Variants in ZNF407 observed in about 807,000 individuals in gnomAD.
The protein encoded by ZNF407 is zinc finger protein 407.
In ZNF407, 17 loss-of-function variants were observed where a neutral mutation model predicts 131.2. That is an observed-to-expected ratio of 0.13 (90% CI 0.09 to 0.19). ZNF407 has a LOEUF of 0.19. Ranked by LOEUF, ZNF407 falls within the 10% of genes least tolerant of loss-of-function variation. The probability of loss-of-function intolerance (pLI) is 1.00; values close to 1 mark genes in which losing one functional copy is unlikely to be tolerated. For missense variants in ZNF407, 2,681 were observed against 2,830.6 expected (o/e 0.95, Z 1.20); for synonymous variants, 1,156 against 1,062.0 (o/e 1.09, Z -1.72).
At chr18:74,625,147 T>A (rs1262041400) in intron 1 of ZNF407, among the ~76,000 whole-genome samples, 2 of 152,254 alleles carry the variant, frequency 1.3e-5, no homozygotes, top group Non-Finnish European at 2.9e-5. Flanking sequence ...GATATTGGGT[T>A]ATTTCATTAA....
At chr18:74,926,366 T>C (rs1401058144) in intron 8 of ZNF407, among the ~76,000 whole-genome samples, 1 of 152,230 alleles carries the variant, frequency 6.6e-6, no homozygotes, top group African/African-American at 2.4e-5. Context: ...GTAATTGGTA[T>C]CCAGGAAAAT....
At chr18:74,799,195 A>C (rs1017990333) in intron 4 of ZNF407, among the ~76,000 whole-genome samples, 2 of 152,168 alleles carry the variant, frequency 1.3e-5, no homozygotes, top group African/African-American at 4.8e-5. Context: ...CTTCAGCAAA[A>C]TTGTAATTCA....
chr18:75,061,375 G>A (rs1973631456), intron 8 of ZNF407: 1 of 152,228 alleles, frequency 6.6e-6, no homozygotes, highest in Non-Finnish European at 1.5e-5. Flanking sequence ...AAGAAAACAG[G>A]AAGTCTGTTT....
At chr18:74,911,339 T>G (rs962800561) in intron 7 of ZNF407, among the ~76,000 whole-genome samples, 5 of 152,224 alleles carry the variant, frequency 3.3e-5, no homozygotes, top group African/African-American at 9.6e-5. Context: ...ATAGAGCCAT[T>G]TAACCATCAC....
At chr18:74,874,817 AAACCTGAC>A (rs1971133600) in intron 4 of ZNF407, among the ~76,000 whole-genome samples, 1 of 152,116 alleles carries the variant, frequency 6.6e-6, no homozygotes. Context: ...CTTGAAAGCC[AAACCTGAC>A]TCCTCTCTTC....
At chr18:74,805,807 T>A (rs1235497906) in intron 4 of ZNF407, among the ~76,000 whole-genome samples, 1 of 152,194 alleles carries the variant, frequency 6.6e-6, no homozygotes, top group East Asian at 1.9e-4. Flanking sequence ...TTGAAGTCAT[T>A]CATTGTTCAT....
chr18:74,732,908 A>G (rs1968327312), intron 3 of ZNF407, among the ~76,000 whole-genome samples: 1 of 152,144 alleles, frequency 6.6e-6, no homozygotes, highest in East Asian at 1.9e-4. Context: ...ATGAGTAATA[A>G]AATAGGTTCA....
intron 8 of ZNF407, among the ~76,000 whole-genome samples, chr18:74,999,083 TA>T (rs1389112265): frequency 9.4e-5 from 3 of 32,026 alleles, no homozygotes; most frequent in African/African-American, 3.9e-4. Flanking sequence ...TCATTCTCAG[TA>T]AACTATCGCA....
intron 4 of ZNF407, among the ~76,000 whole-genome samples, chr18:74,809,472 A>G (rs1403062117): frequency 6.6e-6 from 1 of 152,176 alleles, no homozygotes; most frequent in Non-Finnish European, 1.5e-5. Context: ...CCTTGATTTT[A>G]AGAAGGTTTT....
chr18:74,974,354 C>T (rs1972504901), intron 8 of ZNF407, among the ~76,000 whole-genome samples: 1 of 152,132 alleles, frequency 6.6e-6, no homozygotes, highest in African/African-American at 2.4e-5. Context: ...TCTTAATACC[C>T]ATATAAACCT....
At chr18:75,026,855 A>C (rs1973176865) in intron 8 of ZNF407, among the ~76,000 whole-genome samples, 1 of 152,212 alleles carries the variant, frequency 6.6e-6, no homozygotes, top group African/African-American at 2.4e-5. Flanking sequence ...GTTGAGCTAC[A>C]GTGGTTCATC....
chr18:74,856,071 C>A (rs1032375314), intron 4 of ZNF407, among the ~76,000 whole-genome samples: 1 of 152,110 alleles, frequency 6.6e-6, no homozygotes, highest in Non-Finnish European at 1.5e-5. Flanking sequence ...TTGTTTTGTT[C>A]GGACTTTTTT....
chr18:74,602,954 C>T (rs115443893), intron 1 of ZNF407, among the ~76,000 whole-genome samples: 1,720 of 147,384 alleles, frequency 0.012, 28 homozygotes, highest in African/African-American at 0.039. Context: ...CTACACTGAC[C>T]CCTGAGCATG....
At chr18:74,890,369 A>G (rs1450755468) in intron 7 of ZNF407, among the ~76,000 whole-genome samples, 2 of 152,188 alleles carry the variant, frequency 1.3e-5, no homozygotes, top group Non-Finnish European at 2.9e-5. Context: ...CCCAGAGTCT[A>G]TACTTTCATT....
At chr18:74,932,040 T>G (rs1304226648) in intron 8 of ZNF407, among the ~76,000 whole-genome samples, 2 of 152,166 alleles carry the variant, frequency 1.3e-5, no homozygotes, top group African/African-American at 4.8e-5. Flanking sequence ...ATTCATAAGG[T>G]CCAGTTTATT....
intron 3 of ZNF407, among the ~76,000 whole-genome samples, chr18:74,699,902 T>C (rs1316213588): frequency 6.6e-6 from 1 of 152,178 alleles, no homozygotes; most frequent in Non-Finnish European, 1.5e-5. Flanking sequence ...GGAGACAAAA[T>C]TATATGCACA....
chr18:74,775,590 T>C (rs1969452014), intron 3 of ZNF407, among the ~76,000 whole-genome samples: 1 of 152,230 alleles, frequency 6.6e-6, no homozygotes, highest in Non-Finnish European at 1.5e-5. Context: ...CCAGTCCTCA[T>C]ACTCGACAGC....
At chr18:74,823,731 A>T (rs965658985) in intron 4 of ZNF407, among the ~76,000 whole-genome samples, 1 of 152,214 alleles carries the variant, frequency 6.6e-6, no homozygotes, top group African/African-American at 2.4e-5. Flanking sequence ...AGAGACCTAC[A>T]AAGTGACTTA....
At chr18:74,651,785 C>T (rs1167986234) in intron 3 of ZNF407, among the ~76,000 whole-genome samples, 1 of 152,098 alleles carries the variant, frequency 6.6e-6, no homozygotes, top group East Asian at 1.9e-4. Flanking sequence ...TGTGCTGTCC[C>T]TCAACAAAGA....
Sources: gnomAD v4.1 joint callset for allele counts (sites outside exome capture counted in the v4.1 genomes callset) on GRCh38, gnomAD v4.1.1 for gene constraint, MANE v1.5 for transcripts, NCBI Gene and HGNC (gene_info 2026-07-23, HGNC 2026-07-21) for gene names.